The following CNBD1 variants were observed in gnomAD, a reference collection of about 807,000 sequenced individuals.
The protein encoded by CNBD1 is cyclic nucleotide-binding domain-containing protein 1.
CNBD1 carries 71 observed loss-of-function variants against 54.4 expected under a neutral mutation model. The observed-to-expected ratio is 1.30, with a 90% CI of 1.08 to 1.59. CNBD1 has a LOEUF of 1.59. Ranked by LOEUF, CNBD1 falls within the 40% of genes most tolerant of loss-of-function variation. The pLI is 0.00. For synonymous variants in CNBD1, 182 were observed against 170.7 expected, an observed-to-expected ratio of 1.07 and a Z score of -0.51; for missense variants, 659 against 518.0, an observed-to-expected ratio of 1.27 and a Z score of -2.64.
intron 4 of CNBD1, among the ~76,000 whole-genome samples, chr8:87,019,643 C>T (rs1054261259): frequency 7.2e-5 from 11 of 152,050 alleles, no homozygotes; most frequent in Non-Finnish European, 4.4e-5. Context: ...TTTGGGAGGC[C>T]GAGGTGGGCG....
chr8:87,378,843 G>T (rs1166046273), intron 10 of CNBD1, among the ~76,000 whole-genome samples: 1 of 149,892 alleles, frequency 6.7e-6, no homozygotes, highest in Non-Finnish European at 1.5e-5. Context: ...GCAGTGGTTT[G>T]TAGTTCTCCT....
At chr8:86,910,077 A>C (rs1809077270) in intron 3 of CNBD1, among the ~76,000 whole-genome samples, 1 of 152,134 alleles carries the variant, frequency 6.6e-6, no homozygotes, top group African/African-American at 2.4e-5. Flanking sequence ...TCATGAATTC[A>C]TCTTTCAGTT....
intron 4 of CNBD1, among the ~76,000 whole-genome samples, chr8:86,964,792 C>T (rs1361220738): frequency 6.6e-6 from 1 of 152,106 alleles, no homozygotes; most frequent in Non-Finnish European, 1.5e-5. Flanking sequence ...TCCCCAGTTC[C>T]CTGGGATTGA....
intron 8 of CNBD1, among the ~76,000 whole-genome samples, chr8:87,290,592 A>C (rs187221867): frequency 2.6e-5 from 4 of 152,218 alleles, no homozygotes; most frequent in Admixed American, 2.0e-4. Context: ...TCAAATTACT[A>C]TCTGGGGATG....
Position 87,206,133 on chromosome 8 carries a change from G to T in CNBD1, c.572G>T (p.Ser191Ile). The T allele has an allele frequency of 6.3e-7, 1 of 1,583,780 alleles. No individual in the cohort carries two copies. ...TTTTCCGAAACCTGGTTGAAAGGCA[G>T]CACAGGTAATAGACTAATGTGGGAT... ...TVFSETWLKG[S>I]TVVANDGFYV... Residue 191 changes from serine (S) to isoleucine (I), a missense_variant, in exon 5 of 11, where the codon AGC becomes ATC. Physicochemically the swap from Ser to Ile is moderately radical, Grantham distance 142 (BLOSUM62 -2). Coordinates refer to ENST00000518476, the MANE Select transcript of CNBD1 (RefSeq NM_173538.3).
At chr8:86,966,731 C>T (rs1282056670) in intron 4 of CNBD1, among the ~76,000 whole-genome samples, 3 of 152,062 alleles carry the variant, frequency 2.0e-5, no homozygotes, top group South Asian at 2.1e-4. Flanking sequence ...AAGCTGCAGA[C>T]GTTTGTGGTG....
intron 2 of CNBD1, among the ~76,000 whole-genome samples, chr8:87,422,324 G>A (rs1271401968): frequency 6.8e-6 from 1 of 146,836 alleles, no homozygotes; most frequent in Admixed American, 6.8e-5. Context: ...ATTGCTTTTG[G>A]TGTTTTAGAC....
In CNBD1 at chr8:86,935,373, A is replaced by G. The variant is rs1809529141; in HGVS notation, c.273-4223A>G. Among the ~76,000 whole-genome samples the G allele has an allele frequency of 2.0e-5, 3 of 152,156 alleles. No individual in the cohort carries two copies. The South Asian group carries it at 6.2e-4, about 32-fold the overall frequency. On this transcript the variant is annotated intron_variant, in intron 3 of 10. Coordinates refer to ENST00000518476, the MANE Select transcript of CNBD1 (RefSeq NM_173538.3). ...TAAGAGTTTGTTAGAATTCACCAATAGGACCATTTTGACAAGGAGTTTTCT... is the reference window on the plus strand; with the variant it reads ...TAAGAGTTTGTTAGAATTCACCAATGGGACCATTTTGACAAGGAGTTTTCT...
chr8:87,062,815 T>A (rs2974279), intron 4 of CNBD1, among the ~76,000 whole-genome samples: 1 of 151,826 alleles, frequency 6.6e-6, no homozygotes, highest in Non-Finnish European at 1.5e-5. Flanking sequence ...CATGGGGCTT[T>A]GGTTAAAAGT....
At chr8:86,944,569 A>G (rs1453357172) in intron 4 of CNBD1, among the ~76,000 whole-genome samples, 1 of 152,230 alleles carries the variant, frequency 6.6e-6, no homozygotes, top group Non-Finnish European at 1.5e-5. Context: ...GAGCCCAGGT[A>G]TTGCAACATG....
At chr8:87,322,935 T>C (rs898391699) in intron 8 of CNBD1, among the ~76,000 whole-genome samples, 1 of 108,076 alleles carries the variant, frequency 9.3e-6, no homozygotes, top group Admixed American at 9.3e-5. Flanking sequence ...TTTATGGTTT[T>C]AGGTCTAACG....
At chr8:86,874,986 T>TTATATA (rs10584669) in intron 1 of CNBD1, among the ~76,000 whole-genome samples, 3,307 of 119,652 alleles carry the variant, frequency 0.028, 80 homozygotes, top group South Asian at 0.031. Context: ...GTAAATCAAT[T>TTATATA]TATATATATA....
At chr8:87,366,412 C>T (rs1241301910) in intron 10 of CNBD1, among the ~76,000 whole-genome samples, 1 of 151,996 alleles carries the variant, frequency 6.6e-6, no homozygotes, top group Non-Finnish European at 1.5e-5. Context: ...TCCATCTGGC[C>T]CTCTCCATCT....
intron 8 of CNBD1, among the ~76,000 whole-genome samples, chr8:87,328,732 A>C (rs1415820908): frequency 6.6e-6 from 1 of 152,142 alleles, no homozygotes; most frequent in Non-Finnish European, 1.5e-5. Context: ...CTTCTACTTC[A>C]TAAACATAGT....
chr8:86,937,927 CAA>C (rs1809579908), intron 3 of CNBD1, among the ~76,000 whole-genome samples: 1 of 152,184 alleles, frequency 6.6e-6, no homozygotes, highest in African/African-American at 2.4e-5. Flanking sequence ...TTTCAGGCTG[CAA>C]ATTTTCTGAA....
chr8:87,393,481 A>T (rs900871604), intron 2 of CNBD1, among the ~76,000 whole-genome samples: 1 of 151,858 alleles, frequency 6.6e-6, no homozygotes, highest in Non-Finnish European at 1.5e-5. Flanking sequence ...CACTTTTTTT[A>T]CAAAGCATCT....
chr8:87,420,913 T>G (rs561651384), intron 2 of CNBD1, among the ~76,000 whole-genome samples: 23 of 152,248 alleles, frequency 1.5e-4, no homozygotes, highest in Middle Eastern at 3.4e-3. Flanking sequence ...AACATGTTAC[T>G]GATCGTGGAG....
intron 4 of CNBD1, among the ~76,000 whole-genome samples, chr8:87,010,476 T>C (rs1308178740): frequency 1.3e-5 from 2 of 152,194 alleles, no homozygotes; most frequent in Admixed American, 6.5e-5. Context: ...ATGCCAGGCA[T>C]GGTGGCTCAT....
chr8:87,216,442 T>G (rs1392364832), intron 5 of CNBD1, among the ~76,000 whole-genome samples: 2 of 152,094 alleles, frequency 1.3e-5, no homozygotes, highest in Non-Finnish European at 2.9e-5. Context: ...GTTTTCCCAC[T>G]CCCCTCAGAA....
Sources: allele counts gnomAD v4.1 joint callset (sites outside exome capture counted in the v4.1 genomes callset), GRCh38; gene constraint gnomAD v4.1.1; transcripts MANE v1.5; gene names NCBI Gene and HGNC (gene_info 2026-07-23, HGNC 2026-07-21).